Variants in SULF1 observed in about 807,000 individuals in gnomAD.
SULF1 encodes extracellular sulfatase Sulf-1.
SULF1 carries 46 observed loss-of-function variants against 110.5 expected under a neutral mutation model. That is an observed-to-expected ratio of 0.42 (90% CI 0.33 to 0.53). SULF1 has a LOEUF of 0.53. Ranked by LOEUF, SULF1 falls within the 20% of genes least tolerant of loss-of-function variation. The pLI, the probability that SULF1 is intolerant of heterozygous loss-of-function variation, is 0.12. For synonymous variants in SULF1, 371 were observed against 387.1 expected (o/e 0.96, Z 0.49); for missense variants, 941 against 1,094.2 (o/e 0.86, Z 1.98).
intron 13 of SULF1, among the ~76,000 whole-genome samples, chr8:69,614,561 T>A (rs997146392): frequency 1.3e-5 from 2 of 152,264 alleles, no homozygotes; most frequent in African/African-American, 4.8e-5. Flanking sequence ...TAGATTTGAT[T>A]CCACCAAACT....
chr8:69,545,647 T>C (rs946271438), intron 3 of SULF1, among the ~76,000 whole-genome samples: 9 of 152,114 alleles, frequency 5.9e-5, no homozygotes, highest in Non-Finnish European at 1.2e-4. Context: ...CTTTTGTCTT[T>C]GGTTTTTTGG....
Position 69,628,155 on chromosome 8 carries a change from A to G in SULF1, c.2043-16A>G. On this transcript the variant is annotated splice_polypyrimidine_tract_variant and intron_variant, in intron 17 of 22. Coordinates refer to ENST00000402687, the MANE Select transcript of SULF1 (RefSeq NM_001128205.2). ...CAAGGCTATGAAGTCTCACTTTTTA[A>G]TCTTCTCTCCTGCAGCTATTACAAT... 1.9e-6 allele frequency: 3 copies of G among 1,608,046 alleles called. No individual in the cohort carries two copies. The highest frequency in any genetic ancestry group is 2.6e-6 in the Non-Finnish European group (3 of 1,174,784).
intron 5 of SULF1, among the ~76,000 whole-genome samples, chr8:69,566,130 A>G (rs1815866568): frequency 6.6e-6 from 1 of 151,982 alleles, no homozygotes; most frequent in South Asian, 2.1e-4. Context: ...CACTTGACCA[A>G]GATCAACCAG....
intron 15 of SULF1, among the ~76,000 whole-genome samples, chr8:69,626,866 C>T (rs551910965): frequency 2.4e-4 from 37 of 152,364 alleles, no homozygotes; most frequent in African/African-American, 8.2e-4. Context: ...CCACACCTCC[C>T]TGCAAGCTGA....
At chr8:69,610,650 C>T (rs1808571603) in intron 13 of SULF1, among the ~76,000 whole-genome samples, 1 of 152,198 alleles carries the variant, frequency 6.6e-6, no homozygotes, top group South Asian at 2.1e-4. Context: ...AGTTGTTCAT[C>T]TAATTAAATC....
At chr8:69,480,762 C>T (rs972158714) in intron 1 of SULF1, among the ~76,000 whole-genome samples, 4 of 151,492 alleles carry the variant, frequency 2.6e-5, no homozygotes, top group African/African-American at 9.7e-5. Context: ...TTAGAATATC[C>T]TAAGTATGAT....
intron 22 of SULF1, among the ~76,000 whole-genome samples, chr8:69,651,852 T>C (rs981450558): frequency 6.6e-6 from 1 of 152,222 alleles, no homozygotes; most frequent in Non-Finnish European, 1.5e-5. Flanking sequence ...CTTAGATATA[T>C]TAGTTTCTTA....
chr8:69,628,186 G>A lies in SULF1; in HGVS notation c.2058G>A (p.Glu686=). 1 of 1,613,712 alleles carries A rather than the reference G, an allele frequency of 6.2e-7. No homozygotes were observed. The highest frequency in any genetic ancestry group is 8.5e-7 in the Non-Finnish European group (1 of 1,179,604). Residue 686 remains glutamate (E), a synonymous_variant, in exon 18 of 23, where the codon GAG becomes GAA. Coordinates refer to ENST00000402687, the MANE Select transcript of SULF1 (RefSeq NM_001128205.2). ...TCTCCTGCAGCTATTACAATAAAGA[G>A]AAAGGTGTAAAAAAGCAAGAGAAAT... ...SCSKQSYYNK[E]KGVKKQEKLK... is the part of the protein sequence containing the mutation.
rs1805504092 is a variant in SULF1 at position 69,575,033 on chromosome 8, G to A, written c.173-937G>A. On this transcript the variant is annotated intron_variant, in intron 5 of 22. Transcript: ENST00000402687. ...TTCTTTGGAAGAAGTGGGACCTGTT[G>A]GAAATCTGAGGCTCCAAGATTCAAA... Among the ~76,000 whole-genome samples the A allele has an allele frequency of 5.9e-5, 9 of 152,106 alleles. No homozygotes were observed. The South Asian group carries it at 1.9e-3, about 31-fold the overall frequency.
chr8:69,605,103 T>A (rs1249637735), intron 13 of SULF1, among the ~76,000 whole-genome samples, 171 bp downstream of exon 13: 1 of 152,230 alleles, frequency 6.6e-6, no homozygotes, highest in Admixed American at 6.5e-5. Context: ...CGTAACTGGT[T>A]CAGGCTGGGC....
chr8:69,629,522 A>G lies in SULF1; in HGVS notation c.2127A>G (p.Val709=). 6.2e-7 allele frequency: 1 copy of G among 1,613,304 alleles called. No homozygotes were observed. The highest frequency in any genetic ancestry group is 8.5e-7 in the Non-Finnish European group (1 of 1,179,654). ...GGAACAGGGAGGCTGCTCAGGAAGT[A>G]GATAGCAAACTGCAACTTTTCAAGG... ...LHPFKEAAQE[V]DSKLQLFKEN... Residue 709 remains valine, a synonymous_variant, in exon 19 of 23, where the codon GTA becomes GTG. Coordinates refer to ENST00000402687, the MANE Select transcript of SULF1 (RefSeq NM_001128205.2).
rs535402878 is a variant in SULF1, at chr8:69,515,142, C to T, written c.-134+13174C>T. On this transcript the variant is annotated intron_variant, in intron 3 of 22. Coordinates refer to ENST00000402687, the MANE Select transcript of SULF1 (RefSeq NM_001128205.2). ...TGTGGGGACTCCAATCCCACATTTC[C>T]CCTCCATACTTCCGTAGTAGAGGCT... Among the ~76,000 whole-genome samples, 7 of 152,284 alleles carry T rather than the reference C, an allele frequency of 4.6e-5. No homozygotes were observed. In the East Asian group the frequency reaches 1.2e-3, roughly 25 times the overall value.
At chr8:69,534,802 A>C (rs1006235533) in intron 3 of SULF1, among the ~76,000 whole-genome samples, 1 of 152,170 alleles carries the variant, frequency 6.6e-6, no homozygotes, top group Non-Finnish European at 1.5e-5. Flanking sequence ...GACGTCATAC[A>C]TATTTTATAA....
At chr8:69,493,365 C>A (rs1034672641) in intron 1 of SULF1, among the ~76,000 whole-genome samples, 1 of 151,440 alleles carries the variant, frequency 6.6e-6, no homozygotes, top group Non-Finnish European at 1.5e-5. Flanking sequence ...AGTACCCAGG[C>A]GAGGTACTGA....
intron 3 of SULF1, among the ~76,000 whole-genome samples, chr8:69,514,989 TA>T (rs147858030): frequency 0.017 from 2,550 of 152,280 alleles, 64 homozygotes; most frequent in African/African-American, 0.059. Flanking sequence ...TTTCACAGGC[TA>T]GCATTGAGTG....
At position 69,660,801 on chromosome 8, in the gene SULF1, C is replaced by T. The variant is rs563582500; in HGVS notation, c.*2266C>T. 39 of 152,708 alleles carry T rather than the reference C, an allele frequency of 2.6e-4. No individual in the cohort carries two copies. Among genetic ancestry groups the T allele is most frequent in the African/African-American group, 8.9e-4 (37 of 41,560 alleles). The allele number at this position is 152,708 out of a possible 1,614,324, so 9.5% of individuals were successfully genotyped here. A position where few individuals can be genotyped will look rare whatever the true frequency, so the allele number is the denominator to read the frequency against. On this transcript the variant is annotated 3_prime_UTR_variant, in exon 23 of 23. Coordinates refer to ENST00000402687, the MANE Select transcript of SULF1 (RefSeq NM_001128205.2). ...AAAAAGATTTCAAGTTATTAGGAAGCATACTCTGTTTTTTAATCATGTATA... is the reference window on the plus strand; with the variant it reads ...AAAAAGATTTCAAGTTATTAGGAAGTATACTCTGTTTTTTAATCATGTATA...
chr8:69,536,649 A>G (rs761106620), intron 3 of SULF1, among the ~76,000 whole-genome samples: 17 of 152,192 alleles, frequency 1.1e-4, no homozygotes, highest in Non-Finnish European at 2.2e-4. Flanking sequence ...TAAAATTACT[A>G]AGGATGGAGC....
intron 3 of SULF1, among the ~76,000 whole-genome samples, chr8:69,544,632 A>G (rs995734724): frequency 5.9e-5 from 9 of 152,310 alleles, no homozygotes; most frequent in African/African-American, 2.2e-4. Flanking sequence ...AATCCTTGCT[A>G]TTCAGTGAAG....
intron 3 of SULF1, among the ~76,000 whole-genome samples, chr8:69,530,629 T>C (rs1487437685): frequency 2.6e-5 from 4 of 152,190 alleles, no homozygotes; most frequent in African/African-American, 9.6e-5. Flanking sequence ...TCATTGCTTT[T>C]CCTCTACCGT....
Sources: allele counts gnomAD v4.1 joint callset (sites outside exome capture counted in the v4.1 genomes callset), GRCh38; gene constraint gnomAD v4.1.1; transcripts MANE v1.5; gene names NCBI Gene and HGNC (gene_info 2026-07-23, HGNC 2026-07-21).